Variants in NTRK3 observed in about 807,000 individuals in gnomAD.
NTRK3 encodes the protein NT-3 growth factor receptor.
A neutral mutation model predicts 91.7 loss-of-function variants in NTRK3; 24 were observed. The ratio of observed to expected loss-of-function variants is 0.26; its 90% CI spans 0.19 to 0.37. The LOEUF (loss-of-function observed/expected upper bound fraction) is 0.37. Among genes scored for constraint, NTRK3 ranks in the 10% least tolerant of loss-of-function variants. NTRK3 has a pLI of 1.00. For missense variants in NTRK3, 880 were observed against 1,068.9 expected (o/e 0.82, Z 2.46); for synonymous variants, 483 against 404.0 (o/e 1.20, Z -2.34).
At position 87,929,560 on chromosome 15, in the gene NTRK3, C is replaced by T. The variant is rs942292290; in HGVS notation, c.1890-126G>A. 3 of 1,228,322 alleles carry T rather than the reference C, an allele frequency of 2.4e-6. No individual in the cohort carries two copies. The Admixed American group carries it at 8.0e-5, about 33-fold the overall frequency. 76.1% of individuals were successfully genotyped at this position (1,228,322 alleles called of 1,614,324 possible). On this transcript the variant is annotated intron_variant, in intron 16 of 18. Coordinates refer to ENST00000394480, the Ensembl canonical transcript of NTRK3. ...AAATAAAATTTCCCTTTCCATCCTG[C>T]CTATGGCTTATTTTTATCTGCCCCA...
intron 13 of NTRK3, among the ~76,000 whole-genome samples, chr15:88,093,393 G>C (rs1488945804): frequency 1.3e-5 from 2 of 152,074 alleles, no homozygotes; most frequent in Non-Finnish European, 2.9e-5. Flanking sequence ...AGCAGGAAGG[G>C]GAGGATTTGA....
chr15:88,045,180 T>C (rs1408199230), intron 13 of NTRK3, among the ~76,000 whole-genome samples: 2 of 152,246 alleles, frequency 1.3e-5, no homozygotes, highest in East Asian at 1.9e-4. Context: ...AAGGATATCT[T>C]GTGGACAAGT....
chr15:88,146,104 G>C (rs1156682678), intron 6 of NTRK3, among the ~76,000 whole-genome samples: 1 of 152,196 alleles, frequency 6.6e-6, no homozygotes, highest in African/African-American at 2.4e-5. Flanking sequence ...GAGATTGCTT[G>C]GCACAATGCC....
intron 5 of NTRK3, among the ~76,000 whole-genome samples, chr15:88,154,110 CAAAAAAAAA>C (rs397736752): frequency 2.3e-5 from 2 of 86,640 alleles, no homozygotes; most frequent in South Asian, 4.1e-4. Flanking sequence ...ATAGACTTTG[CAAAAAAAAA>C]AAAAAAAAAG....
chr15:88,067,653 G>A (rs117634515), intron 13 of NTRK3, among the ~76,000 whole-genome samples: 1 of 152,174 alleles, frequency 6.6e-6, no homozygotes, highest in Non-Finnish European at 1.5e-5. Flanking sequence ...CTCTAGACCT[G>A]CCCTGGATGA....
chr15:87,973,900 G>A (rs2073474619), intron 14 of NTRK3, among the ~76,000 whole-genome samples: 1 of 152,130 alleles, frequency 6.6e-6, no homozygotes, highest in Non-Finnish European at 1.5e-5. Context: ...GCAGCAATGT[G>A]CGAGTCTAGC....
chr15:87,870,659 C>T (rs2064806595), exon 19 of NTRK3: 2 of 217,286 alleles, frequency 9.2e-6, no homozygotes, highest in Non-Finnish European at 9.3e-6. Flanking sequence ...TATTTGAGCT[C>T]TCAATCTACC....
At chr15:88,115,048 G>A (rs934242613) in intron 13 of NTRK3, among the ~76,000 whole-genome samples, 1 of 152,150 alleles carries the variant, frequency 6.6e-6, no homozygotes, top group Non-Finnish European at 1.5e-5. Flanking sequence ...ATTACCTTAG[G>A]TTAAATTCTC....
intron 14 of NTRK3, among the ~76,000 whole-genome samples, chr15:87,997,791 C>A (rs1388215626): frequency 6.6e-6 from 1 of 152,114 alleles, no homozygotes. Flanking sequence ...AACACTTGTG[C>A]CCCTTTTGGA....
chr15:87,957,442 C>T (rs2071782382), intron 14 of NTRK3, among the ~76,000 whole-genome samples: 1 of 152,190 alleles, frequency 6.6e-6, no homozygotes, highest in African/African-American at 2.4e-5. Context: ...GGTTCCACTG[C>T]CCCTGGCTGT....
Position 87,924,172 on chromosome 15 carries a change from G to A in NTRK3, c.2133+5019C>T, listed in dbSNP as rs112918627. 9.9e-3 allele frequency among the ~76,000 whole-genome samples: 1,500 copies of A among 152,158 alleles called. 18 individuals are homozygous for A. Among genetic ancestry groups the A allele is most frequent in the Middle Eastern group, 0.034 (10 of 294 alleles). Reference sequence around the variant, plus strand: ...CATTTTACAGTTGAAGACACAGAAAGGGCAAGTAACTTGCCGAAGGTCATA... The same window carrying A: ...CATTTTACAGTTGAAGACACAGAAAAGGCAAGTAACTTGCCGAAGGTCATA... On this transcript the variant is annotated intron_variant, in intron 17 of 18. Coordinates refer to ENST00000394480, the Ensembl canonical transcript of NTRK3.
intron 17 of NTRK3, among the ~76,000 whole-genome samples, chr15:87,897,313 T>C (rs1298234138): frequency 1.3e-5 from 2 of 148,588 alleles, no homozygotes; most frequent in Non-Finnish European, 1.5e-5. Flanking sequence ...CTGCCTAAAT[T>C]CTAGCACTCT....
At chr15:87,957,661 G>A (rs545509998) in intron 14 of NTRK3, among the ~76,000 whole-genome samples, 4 of 152,298 alleles carry the variant, frequency 2.6e-5, no homozygotes, top group Admixed American at 1.3e-4. Context: ...GAATCCAACT[G>A]TAGTCACTTC....
At chr15:87,883,811 G>T (rs1025671725) in intron 17 of NTRK3, among the ~76,000 whole-genome samples, 1 of 150,406 alleles carries the variant, frequency 6.6e-6, no homozygotes, top group African/African-American at 2.4e-5. Flanking sequence ...TAAATTATTT[G>T]GTAAAGAAAA....
chr15:88,034,168 G>A (rs2078864146), intron 13 of NTRK3, among the ~76,000 whole-genome samples: 1 of 152,146 alleles, frequency 6.6e-6, no homozygotes, highest in Non-Finnish European at 1.5e-5. Context: ...TCCACTGTGG[G>A]CCTGGACCTA....
chr15:88,097,212 C>T (rs943891306), intron 13 of NTRK3, among the ~76,000 whole-genome samples: 16 of 152,136 alleles, frequency 1.1e-4, no homozygotes, highest in Admixed American at 5.9e-4. Context: ...GAAAATTTAA[C>T]GTTACATCCT....
chr15:88,044,296 T>C (rs1213318288), intron 13 of NTRK3, among the ~76,000 whole-genome samples: 1 of 146,218 alleles, frequency 6.8e-6, no homozygotes, highest in Non-Finnish European at 1.5e-5. Context: ...AGTCTTGCTC[T>C]GTTGCCCAAG....
chr15:88,067,990 GA>G (rs1173155419), intron 13 of NTRK3, among the ~76,000 whole-genome samples: 2 of 152,158 alleles, frequency 1.3e-5, no homozygotes, highest in Admixed American at 1.3e-4. Flanking sequence ...TACGGGCTGT[GA>G]CTATCTTAGG....
At chr15:87,970,626 T>C (rs2073176887) in intron 14 of NTRK3, among the ~76,000 whole-genome samples, 1 of 152,208 alleles carries the variant, frequency 6.6e-6, no homozygotes, top group Non-Finnish European at 1.5e-5. Context: ...CAGCAGGACT[T>C]CTTGGAGCCT....
Sources: allele counts gnomAD v4.1 joint callset (sites outside exome capture counted in the v4.1 genomes callset), GRCh38; gene constraint gnomAD v4.1.1; transcripts MANE v1.5; gene names NCBI Gene and HGNC (gene_info 2026-07-23, HGNC 2026-07-21).